Variants in CFAP43 observed in about 807,000 individuals in gnomAD.
CFAP43 encodes the protein cilia- and flagella-associated protein 43.
In CFAP43, 155 loss-of-function variants were observed where a neutral mutation model predicts 218.9. The observed-to-expected ratio is 0.71, with a 90% CI of 0.62 to 0.81. The LOEUF (loss-of-function observed/expected upper bound fraction) is 0.81. CFAP43 is among the 30% of genes least tolerant of loss of function. The pLI is 0.00. For synonymous variants in CFAP43, 645 were observed against 681.3 expected (o/e 0.95, Z 0.83); for missense variants, 1,778 against 1,954.3 (o/e 0.91, Z 1.70).
At chr10:104,155,334 T>A (rs1167751182) in intron 27 of CFAP43, among the ~76,000 whole-genome samples, 1 of 152,088 alleles carries the variant, frequency 6.6e-6, no homozygotes, top group Non-Finnish European at 1.5e-5. Flanking sequence ...GGAGCACTCA[T>A]AGCAGTGAGG....
At chr10:104,130,998 C>CAAAAAAAAAAAA (rs1163188252) in intron 37 of CFAP43, among the ~76,000 whole-genome samples, 2 of 56,714 alleles carry the variant, frequency 3.5e-5, no homozygotes, top group Non-Finnish European at 7.1e-5. Context: ...CACCCTGTCT[C>CAAAAAAAAAAAA]AAAAAAAAAA....
At chr10:104,151,387 C>T (rs2088249539) in intron 28 of CFAP43, among the ~76,000 whole-genome samples, 1 of 152,280 alleles carries the variant, frequency 6.6e-6, no homozygotes, top group African/African-American at 2.4e-5. Flanking sequence ...CCCTTTTCTC[C>T]ACAGCCTCAC....
At chr10:104,148,043 T>C in intron 28 of CFAP43, 45 bp from the exon 29 acceptor site, 2 of 1,261,310 alleles carry the variant, frequency 1.6e-6, no homozygotes, top group Non-Finnish European at 2.2e-6. Flanking sequence ...TACTTCCACC[T>C]GAGACAATAT....
intron 22 of CFAP43, 35 bp downstream of exon 22, chr10:104,167,586 C>T: frequency 6.7e-7 from 1 of 1,494,064 alleles, no homozygotes; most frequent in Non-Finnish European, 9.0e-7. Context: ...TAAAGCACAT[C>T]ACTTATATAA....
intron 8 of CFAP43, among the ~76,000 whole-genome samples, chr10:104,199,697 A>G (rs868070201): frequency 7.8e-6 from 1 of 128,886 alleles, no homozygotes; most frequent in South Asian, 2.5e-4. Flanking sequence ...GAAAGACTTC[A>G]GTGAGAAGGT....
chr10:104,153,431 A>C (rs1352755079), intron 27 of CFAP43, among the ~76,000 whole-genome samples: 1 of 152,204 alleles, frequency 6.6e-6, no homozygotes, highest in Non-Finnish European at 1.5e-5. Flanking sequence ...TATAACCCAA[A>C]GGATAAATGC....
At chr10:104,196,370 A>T (rs770075951) in intron 10 of CFAP43, among the ~76,000 whole-genome samples, 4 of 152,164 alleles carry the variant, frequency 2.6e-5, no homozygotes, top group Non-Finnish European at 5.9e-5. Flanking sequence ...CCATTTAACC[A>T]ATTATGGCCA....
At chr10:104,172,324 C>T (rs898221085) in intron 20 of CFAP43, 86 bp downstream of exon 20, 14 of 1,504,728 alleles carry the variant, frequency 9.3e-6, no homozygotes, top group Non-Finnish European at 1.3e-5. Flanking sequence ...GTCATATTCA[C>T]ATTATTATGA....
At chr10:104,183,120 G>A (rs1415778141) in intron 16 of CFAP43, among the ~76,000 whole-genome samples, 1 of 152,152 alleles carries the variant, frequency 6.6e-6, no homozygotes, top group Non-Finnish European at 1.5e-5. Context: ...ACCCTGCATT[G>A]AGAGTGGTAT....
At chr10:104,199,000 CT>C (rs1412161835) in intron 8 of CFAP43, among the ~76,000 whole-genome samples, 1 of 152,082 alleles carries the variant, frequency 6.6e-6, no homozygotes, top group African/African-American at 2.4e-5. Flanking sequence ...ACATTTTTTC[CT>C]GTTTCAAAAA....
chr10:104,208,238 A>G (rs900874449), intron 5 of CFAP43, among the ~76,000 whole-genome samples: 1 of 152,218 alleles, frequency 6.6e-6, no homozygotes, highest in Non-Finnish European at 1.5e-5. Context: ...TTTTTTTATG[A>G]CATCTAACCT....
intron 37 of CFAP43, 38 bp downstream of exon 37, chr10:104,131,293 A>C (rs1227164428): frequency 6.3e-7 from 1 of 1,585,648 alleles, no homozygotes; most frequent in Admixed American, 2.0e-5. Context: ...ACTTTTAAAG[A>C]AACCTACAGT....
chr10:104,231,782 A>C (rs1019441522), intron 1 of CFAP43, among the ~76,000 whole-genome samples: 1 of 152,202 alleles, frequency 6.6e-6, no homozygotes, highest in African/African-American at 2.4e-5. Flanking sequence ...AACTTTGGGG[A>C]AAATCACCAA....
At position 104,187,405 on chromosome 10, in the gene CFAP43, G is replaced by A. The variant is rs1200166388; in HGVS notation, c.1775C>T (p.Ser592Phe). 1.2e-6 allele frequency: 2 copies of A among 1,611,900 alleles called. No homozygotes were observed. The highest frequency in any genetic ancestry group is 1.7e-6 in the Non-Finnish European group (2 of 1,179,360). Residue 592 changes from serine to phenylalanine, a missense_variant, in exon 14 of 38, where the codon TCT becomes TTT. Ser to Phe is a radical substitution (Grantham distance 155). Coordinates refer to ENST00000357060, the MANE Select transcript of CFAP43 (RefSeq NM_025145.7). ...GTTACTTTGAAAGCCCAAGACTGCA[G>A]AGGACAGAGCGTGCTCCAACTCATA... ...YLYELEHALS[S>F]AVLGFQSNQI...
At chr10:104,221,197 A>C (rs1031804647) in intron 3 of CFAP43, among the ~76,000 whole-genome samples, 10 of 151,884 alleles carry the variant, frequency 6.6e-5, no homozygotes, top group Admixed American at 1.3e-4. Context: ...CTGGTCTCGA[A>C]CTCCTGACCT....
At chr10:104,138,539 G>C (rs1172235881) in intron 34 of CFAP43, among the ~76,000 whole-genome samples, 3 of 152,128 alleles carry the variant, frequency 2.0e-5, no homozygotes, top group African/African-American at 7.2e-5. Flanking sequence ...GCCAGGTGTG[G>C]TGGCGCATGC....
chr10:104,179,801 A>G (rs1165684340), intron 18 of CFAP43, 39 bp downstream of exon 18: 1 of 1,460,906 alleles, frequency 6.8e-7, no homozygotes, highest in Non-Finnish European at 9.6e-7. Flanking sequence ...GTGCATCTAC[A>G]GAGCACTATT....
In CFAP43 at chr10:104,232,254, G is replaced by C. The variant is rs1272173685; in HGVS notation, c.-8C>G. ...CTCCCGGCCTTGCGCCATGGGCAGT[G>C]TTTTCCTCAGGCGGGAGCAGGCAGC... is the stretch of plus-strand genomic sequence containing the variant. On this transcript the variant is annotated 5_prime_UTR_variant, in exon 1 of 38. Transcript: ENST00000357060. 4 of 1,600,654 alleles carry C rather than the reference G, an allele frequency of 2.5e-6. No homozygotes were observed. The highest frequency in any genetic ancestry group is 3.4e-6 in the Non-Finnish European group (4 of 1,175,400).
chr10:104,230,706 ACAATTC>A lies in CFAP43; in HGVS notation c.197_202del (p.Gly66_Ile67del). The stretch of plus-strand genomic sequence containing the variant: ...GGGGATGTTAGTTGCCATGACGCCC[ACAATTC>A]CATTACTACACTGCAGTACAGTCTT... On this transcript the variant is annotated inframe_deletion, in exon 2 of 38. Coordinates refer to ENST00000357060, the MANE Select transcript of CFAP43 (RefSeq NM_025145.7). 6.2e-7 allele frequency: 1 copy of A among 1,614,120 alleles called. No homozygotes were observed. Among genetic ancestry groups the A allele is most frequent in the Non-Finnish European group, 8.5e-7 (1 of 1,180,032 alleles).
Sources: gnomAD v4.1 joint callset for allele counts (sites outside exome capture counted in the v4.1 genomes callset) on GRCh38, gnomAD v4.1.1 for gene constraint, MANE v1.5 for transcripts, NCBI Gene and HGNC (gene_info 2026-07-23, HGNC 2026-07-21) for gene names.